Variants in KCNMB4 observed in about 807,000 individuals in gnomAD.
The protein encoded by KCNMB4 is calcium-activated potassium channel subunit beta-4.
Under a neutral mutation model 20.7 loss-of-function variants are expected in KCNMB4, and 3 were observed. The observed-to-expected ratio is 0.14, with a 90% CI of 0.07 to 0.37. KCNMB4 has a LOEUF of 0.37. Among genes scored for constraint, KCNMB4 ranks in the 10% least tolerant of loss-of-function variants. The probability of loss-of-function intolerance (pLI) is 1.00; values close to 1 mark genes in which losing one functional copy is unlikely to be tolerated. For synonymous variants in KCNMB4, 110 were observed against 113.4 expected (o/e 0.97, Z 0.19); for missense variants, 168 against 265.9 (o/e 0.63, Z 2.56).
At chr12:70,383,109 G>A (rs938309554) in intron 1 of KCNMB4, among the ~76,000 whole-genome samples, 2 of 152,142 alleles carry the variant, frequency 1.3e-5, no homozygotes, top group Admixed American at 6.5e-5. Flanking sequence ...CATAAATGCA[G>A]TTCATCATTG....
At position 70,370,605 on chromosome 12, in the gene KCNMB4, G is replaced by A. The variant is rs138416128; in HGVS notation, c.336+3535G>A. On this transcript the variant is annotated intron_variant, in intron 1 of 2. Coordinates refer to ENST00000258111, the MANE Select transcript of KCNMB4 (RefSeq NM_014505.6). Reference sequence around the variant, plus strand: ...TTACAGGCATGAGCCACCGCGCCCGGCCAGTGCTACTGAATTTAGGGAGTC... The same window carrying A: ...TTACAGGCATGAGCCACCGCGCCCGACCAGTGCTACTGAATTTAGGGAGTC... Among the ~76,000 whole-genome samples, 542 of 152,198 alleles carry A rather than the reference G, an allele frequency of 3.6e-3. 1 individual carries two copies. The highest frequency in any genetic ancestry group is 0.02 in the Middle Eastern group (6 of 294).
chr12:70,413,294 C>T (rs79866511), intron 2 of KCNMB4, among the ~76,000 whole-genome samples: 2 of 152,124 alleles, frequency 1.3e-5, no homozygotes, highest in African/African-American at 4.8e-5. Context: ...CTTTTATCAT[C>T]GTGGCATTAA....
intron 1 of KCNMB4, among the ~76,000 whole-genome samples, chr12:70,387,538 G>T (rs1010497647): frequency 6.6e-6 from 1 of 151,802 alleles, no homozygotes; most frequent in African/African-American, 2.4e-5. Flanking sequence ...AAGTAGCTGG[G>T]ATTACAGGCG....
chr12:70,367,097 C>T (rs756551493), intron 1 of KCNMB4, 27 bp downstream of exon 1: 2 of 1,481,930 alleles, frequency 1.3e-6, no homozygotes, highest in East Asian at 4.7e-5. Flanking sequence ...CACCCAGGGG[C>T]TCCCCGCGAG....
intron 2 of KCNMB4, chr12:70,422,909 C>G: frequency 9.6e-7 from 1 of 1,040,518 alleles, no homozygotes; most frequent in South Asian, 2.3e-5. Flanking sequence ...GACGGTTTCC[C>G]CAGGCCTCTA....
intron 1 of KCNMB4, among the ~76,000 whole-genome samples, chr12:70,382,582 T>C (rs1002651312): frequency 6.6e-6 from 1 of 151,912 alleles, no homozygotes; most frequent in African/African-American, 2.4e-5. Context: ...AGGACAGAAA[T>C]CATAAAGGAA....
intron 2 of KCNMB4, among the ~76,000 whole-genome samples, chr12:70,426,798 A>C (rs977720281): frequency 6.6e-5 from 10 of 152,210 alleles, no homozygotes; most frequent in African/African-American, 1.9e-4. Context: ...GGAGGATAGA[A>C]AGCACATAAT....
At chr12:70,427,773 A>G (rs1869251297) in intron 2 of KCNMB4, among the ~76,000 whole-genome samples, 2 of 152,172 alleles carry the variant, frequency 1.3e-5, no homozygotes, top group Admixed American at 1.3e-4. Flanking sequence ...GAAAATATGT[A>G]TGATTCCCAC....
intron 2 of KCNMB4, among the ~76,000 whole-genome samples, chr12:70,429,557 C>T (rs1869302414): frequency 6.6e-6 from 1 of 151,412 alleles, no homozygotes; most frequent in Admixed American, 6.6e-5. Context: ...GTCCCAGCTA[C>T]TCAGGAGGCT....
Position 70,378,801 on chromosome 12 carries a change from T to C in KCNMB4, c.336+11731T>C, listed in dbSNP as rs553746018. On this transcript the variant is annotated intron_variant, in intron 1 of 2. Coordinates refer to ENST00000258111, the MANE Select transcript of KCNMB4 (RefSeq NM_014505.6). Reference sequence around the variant, plus strand: ...ATTCACCCATCTCGGCCTCCCAAAATGCTGGGATTACAGGTGTAAGCCACC... The same window carrying C: ...ATTCACCCATCTCGGCCTCCCAAAACGCTGGGATTACAGGTGTAAGCCACC... Among the ~76,000 whole-genome samples the C allele has an allele frequency of 8.5e-5, 13 of 152,262 alleles. No individual in the cohort carries two copies. The East Asian group carries it at 2.3e-3, about 27-fold the overall frequency.
At chr12:70,421,034 G>T (rs373576071) in intron 2 of KCNMB4, among the ~76,000 whole-genome samples, 392 of 142,020 alleles carry the variant, frequency 2.8e-3, no homozygotes, top group Admixed American at 6.1e-3. Context: ...CCTGGGCGAC[G>T]TAGCGAGACT....
intron 2 of KCNMB4, among the ~76,000 whole-genome samples, chr12:70,402,847 G>A (rs527672778): frequency 1.3e-5 from 2 of 152,188 alleles, no homozygotes; most frequent in South Asian, 4.1e-4. Context: ...AGATGTCCCA[G>A]CCAGATGCAG....
Position 70,430,749 on chromosome 12 carries a change from C to T in KCNMB4, c.*96C>T. The T allele has an allele frequency of 8.0e-7, 1 of 1,257,214 alleles. No homozygotes were observed. Among genetic ancestry groups the T allele is most frequent in the Non-Finnish European group, 1.1e-6 (1 of 942,216 alleles). The allele number at this position is 1,257,214 out of a possible 1,614,324, so 77.9% of individuals were successfully genotyped here. On this transcript the variant is annotated 3_prime_UTR_variant, in exon 3 of 3. Transcript: ENST00000258111. ...TGTGTTTCCTGGCGCAGGAGATGGACAGGGCCACGACAGGGCTCTGAGAGG... is the reference window on the plus strand; with the variant it reads ...TGTGTTTCCTGGCGCAGGAGATGGATAGGGCCACGACAGGGCTCTGAGAGG...
intron 1 of KCNMB4, among the ~76,000 whole-genome samples, chr12:70,385,030 A>T (rs1593327097): frequency 6.6e-6 from 1 of 152,228 alleles, no homozygotes; most frequent in Non-Finnish European, 1.5e-5. Context: ...TGATATATAT[A>T]ATGTTCCAAG....
Position 70,392,776 on chromosome 12 carries a change from GA to G in KCNMB4, c.337-7428del, listed in dbSNP as rs1460960535. Among the ~76,000 whole-genome samples the G allele has an allele frequency of 3.3e-5, 5 of 152,214 alleles. No homozygotes were observed. The East Asian group carries it at 9.7e-4, about 29-fold the overall frequency. On this transcript the variant is annotated intron_variant, in intron 1 of 2. Coordinates refer to ENST00000258111, the MANE Select transcript of KCNMB4 (RefSeq NM_014505.6). ...ATGTTCTCACTCATAAGTGGAAGTT[GA>G]AAAATGAGAACATAGGGACATAGGG...
At chr12:70,427,117 G>T (rs1360523598) in intron 2 of KCNMB4, among the ~76,000 whole-genome samples, 1 of 152,108 alleles carries the variant, frequency 6.6e-6, no homozygotes, top group Non-Finnish European at 1.5e-5. Context: ...TGCCACATGT[G>T]GCAAACAGTG....
chr12:70,383,522 C>G (rs1183172881), intron 1 of KCNMB4, among the ~76,000 whole-genome samples: 1 of 152,116 alleles, frequency 6.6e-6, no homozygotes, highest in Admixed American at 6.5e-5. Context: ...GTACTACAAA[C>G]GAGGTTGCTT....
chr12:70,404,039 A>G, intron 2 of KCNMB4, among the ~76,000 whole-genome samples: 1 of 152,252 alleles, frequency 6.6e-6, no homozygotes, highest in East Asian at 1.9e-4. Flanking sequence ...TCAGCTAGAA[A>G]TAGAAGGGGG....
intron 1 of KCNMB4, among the ~76,000 whole-genome samples, chr12:70,373,692 T>C (rs1417216916): frequency 6.6e-6 from 1 of 152,214 alleles, no homozygotes; most frequent in Non-Finnish European, 1.5e-5. Flanking sequence ...TGATTAGATA[T>C]TTAAAGGCGT....
Sources: allele counts gnomAD v4.1 joint callset (sites outside exome capture counted in the v4.1 genomes callset), GRCh38; gene constraint gnomAD v4.1.1; transcripts MANE v1.5; gene names NCBI Gene and HGNC (gene_info 2026-07-23, HGNC 2026-07-21).